The following OR2L13 variants were observed in gnomAD, a reference collection of about 807,000 sequenced individuals.
OR2L13 encodes olfactory receptor family 2 subfamily L member 13, also known as olfactory receptor 2L13.
In OR2L13, 14 loss-of-function variants were observed where a neutral mutation model predicts 15.3. The observed-to-expected ratio is 0.91, with a 90% CI of 0.60 to 1.43. The LOEUF (loss-of-function observed/expected upper bound fraction) is 1.43. Among genes scored for constraint, OR2L13 ranks in the 40% most tolerant of loss-of-function variants. The pLI, the probability that OR2L13 is intolerant of heterozygous loss-of-function variation, is 0.00. For synonymous variants in OR2L13, 152 were observed against 142.9 expected (o/e 1.06, Z -0.45); for missense variants, 367 against 387.9 (o/e 0.95, Z 0.45).
chr1:247,951,842 GC>G, the OR2L13 span, among the ~76,000 whole-genome samples: 1 of 152,166 alleles, frequency 6.6e-6, no homozygotes, highest in Non-Finnish European at 1.5e-5. Context: ...TCTCTTCCAA[GC>G]TAGGGACACT....
At chr1:248,008,476 C>A in the OR2L13 span, among the ~76,000 whole-genome samples, 1 of 151,964 alleles carries the variant, frequency 6.6e-6, no homozygotes, top group Admixed American at 6.6e-5. Flanking sequence ...TAGACCTGGG[C>A]AAAAAGCTCA....
chr1:247,943,410 T>A, the OR2L13 span, among the ~76,000 whole-genome samples: 1 of 152,094 alleles, frequency 6.6e-6, no homozygotes, highest in Non-Finnish European at 1.5e-5. Context: ...ACAAATGTAC[T>A]CCCTGAATAA....
At chr1:248,000,067 G>A in the OR2L13 span, among the ~76,000 whole-genome samples, 1 of 151,006 alleles carries the variant, frequency 6.6e-6, no homozygotes, top group African/African-American at 2.4e-5. Flanking sequence ...TTGCAGGTAA[G>A]CCAACTTGTG....
At chr1:248,067,822 A>T in the OR2L13 span, among the ~76,000 whole-genome samples, 1 of 152,190 alleles carries the variant, frequency 6.6e-6, no homozygotes, top group Admixed American at 6.5e-5. Flanking sequence ...GGGCTTAAAA[A>T]ACGGCGCGCC....
the OR2L13 span, among the ~76,000 whole-genome samples, chr1:248,080,023 C>A: frequency 6.6e-6 from 1 of 152,094 alleles, no homozygotes; most frequent in Non-Finnish European, 1.5e-5. Context: ...GCTCTCCCTC[C>A]CCACCAATAT....
At chr1:247,992,840 A>G in the OR2L13 span, among the ~76,000 whole-genome samples, 1 of 151,870 alleles carries the variant, frequency 6.6e-6, no homozygotes, top group South Asian at 2.1e-4. Context: ...ATGAGCAATG[A>G]ATGCATGTGA....
the OR2L13 span, among the ~76,000 whole-genome samples, chr1:248,048,652 G>T: frequency 1.3e-5 from 2 of 152,152 alleles, no homozygotes; most frequent in Non-Finnish European, 2.9e-5. Flanking sequence ...AGCTTTTGCA[G>T]TGAAACTGAC....
the OR2L13 span, chr1:248,039,210 T>C: frequency 6.2e-7 from 1 of 1,600,592 alleles, no homozygotes; most frequent in Non-Finnish European, 8.5e-7. Flanking sequence ...AATGTAGACA[T>C]ACGTTCTGTG....
chr1:247,997,968 C>A, the OR2L13 span, among the ~76,000 whole-genome samples: 1 of 152,058 alleles, frequency 6.6e-6, no homozygotes, highest in African/African-American at 2.4e-5. Context: ...ATATACATTT[C>A]TTTAAAAAAT....
chr1:248,013,438 T>C, the OR2L13 span, among the ~76,000 whole-genome samples: 1 of 152,284 alleles, frequency 6.6e-6, no homozygotes, highest in East Asian at 1.9e-4. Flanking sequence ...AAGGCCATCC[T>C]CTGTTATTAG....
the OR2L13 span, among the ~76,000 whole-genome samples, chr1:247,999,577 T>C: frequency 2.2e-3 from 329 of 152,304 alleles, 7 homozygotes; most frequent in East Asian, 0.058. Flanking sequence ...ACCTACAACA[T>C]TATGTACTGT....
At chr1:248,025,612 T>G in the OR2L13 span, among the ~76,000 whole-genome samples, 8 of 148,072 alleles carry the variant, frequency 5.4e-5, no homozygotes, top group South Asian at 2.1e-4. Flanking sequence ...TATACCCAAA[T>G]GACTATAAAT....
the OR2L13 span, among the ~76,000 whole-genome samples, chr1:247,975,978 CATTATT>C: frequency 3.3e-5 from 5 of 151,990 alleles, no homozygotes; most frequent in East Asian, 1.9e-4. Flanking sequence ...ATTCATTTCT[CATTATT>C]ATTAAGACAA....
chr1:248,060,559 G>C, the OR2L13 span: 2 of 745,438 alleles, frequency 2.7e-6, no homozygotes, highest in African/African-American at 1.8e-5. Flanking sequence ...ATAGGGCTCA[G>C]TGTCAACTCC....
chr1:248,022,106 T>A, the OR2L13 span: 3 of 1,613,916 alleles, frequency 1.9e-6, no homozygotes, highest in Admixed American at 5.0e-5. Context: ...TGGACACCCA[T>A]CTCCACACAC....
At chr1:248,009,125 G>T in the OR2L13 span, among the ~76,000 whole-genome samples, 1 of 151,862 alleles carries the variant, frequency 6.6e-6, no homozygotes, top group Non-Finnish European at 1.5e-5. Context: ...ACAATTAAAA[G>T]AAAAAGAGAA....
the OR2L13 span, among the ~76,000 whole-genome samples, chr1:248,020,002 C>T: frequency 8.1e-4 from 123 of 152,182 alleles, no homozygotes; most frequent in Middle Eastern, 3.4e-3. Context: ...TGGTTGGTCT[C>T]AATGTTCTGA....
chr1:248,035,380 C>T, the OR2L13 span, among the ~76,000 whole-genome samples: 2 of 151,674 alleles, frequency 1.3e-5, no homozygotes, highest in South Asian at 2.1e-4. Context: ...ACCTGGGAGG[C>T]GGAGCTTGCA....
At chr1:248,009,409 A>T in the OR2L13 span, among the ~76,000 whole-genome samples, 87 of 152,196 alleles carry the variant, frequency 5.7e-4, 1 homozygote, top group Non-Finnish European at 1.2e-3. Context: ...ACACAAATAA[A>T]CTAGAAAATC....
Sources: gnomAD v4.1 joint callset for allele counts (sites outside exome capture counted in the v4.1 genomes callset) on GRCh38, gnomAD v4.1.1 for gene constraint, MANE v1.5 for transcripts, NCBI Gene and HGNC (gene_info 2026-07-23, HGNC 2026-07-21) for gene names.